WHAMM: variants seen among roughly 807,000 people sequenced by gnomAD.
The protein encoded by WHAMM is WASP homolog associated with actin, golgi membranes and microtubules, also known as WASP homolog-associated protein with actin, membranes and microtubules.
WHAMM carries 67 observed loss-of-function variants against 76.5 expected under a neutral mutation model. That is an observed-to-expected ratio of 0.88 (90% CI 0.72 to 1.07). WHAMM has a LOEUF of 1.07. WHAMM is among the 50% of genes least tolerant of loss of function. WHAMM has a pLI of 0.00. For synonymous variants in WHAMM, 419 were observed against 422.1 expected (o/e 0.99, Z 0.09); for missense variants, 1,021 against 1,051.1 (o/e 0.97, Z 0.40).
chr15:82,828,356 A>G (rs2050971609), intron 8 of WHAMM, among the ~76,000 whole-genome samples: 1 of 152,132 alleles, frequency 6.6e-6, no homozygotes, highest in African/African-American at 2.4e-5. Flanking sequence ...AGCTTCTTCT[A>G]AGTACTAAGG....
chr15:82,817,967 G>A lies in WHAMM; in HGVS notation c.982G>A (p.Ala328Thr), dbSNP rs1340259657. The A allele has an allele frequency of 1.9e-6, 3 of 1,548,578 alleles. No homozygotes were observed. Among genetic ancestry groups the A allele is most frequent in the Non-Finnish European group, 2.6e-6 (3 of 1,146,202 alleles). ...EQDAKRFGQA[A>T]WATAIPRLEK... ...GGATGCGAAGAGATTTGGTCAGGCT[G>A]CCTGGGCCACAGCAATTCCCAGGTT... The change falls in exon 4 of 10, where the codon GCC (alanine) becomes ACC (threonine). Residue 328 changes from alanine (A) to threonine (T), a missense_variant. Physicochemically the swap from Ala to Thr is moderately conservative, Grantham distance 58. This residue lies in a region of WHAMM where 501 missense variants were observed against 524.9 expected (regional missense o/e 0.95). Transcript: ENST00000286760.
At chr15:82,816,585 G>A in intron 2 of WHAMM, 107 bp from the exon 3 acceptor site, 1 of 1,034,224 alleles carries the variant, frequency 9.7e-7, no homozygotes, top group Non-Finnish European at 1.4e-6. Flanking sequence ...AATTGACTGA[G>A]TAGTAGTGTA....
At chr15:82,818,811 C>T (rs1435068865) in intron 4 of WHAMM, among the ~76,000 whole-genome samples, 1 of 152,200 alleles carries the variant, frequency 6.6e-6, no homozygotes, top group Non-Finnish European at 1.5e-5. Flanking sequence ...GATCAAGGTG[C>T]CTGCAGATTC....
rs1277231565 is a variant in WHAMM, at chr15:82,810,299, C to T, written c.573C>T (p.Arg191=). Residue 191 remains arginine, a synonymous_variant, in exon 1 of 10, where the codon CGC becomes CGT. Coordinates refer to ENST00000286760, the MANE Select transcript of WHAMM (RefSeq NM_001080435.3). ...GCGAGTTCCGGGAGCGGGCCTTGCGCGCGCGGTGGGTCGAGGCGGACGCGC... is the reference window on the plus strand; with the variant it reads ...GCGAGTTCCGGGAGCGGGCCTTGCGTGCGCGGTGGGTCGAGGCGGACGCGC... ...SPREFRERAL[R]ARWVEADARL... 23 of 1,341,994 alleles carry T rather than the reference C, an allele frequency of 1.7e-5. No individual in the cohort carries two copies. Among genetic ancestry groups the T allele is most frequent in the Non-Finnish European group, 2.0e-5 (21 of 1,052,794 alleles). The allele number at this position is 1,341,994 out of a possible 1,614,324, so 83.1% of individuals were successfully genotyped here. A position where few individuals can be genotyped will look rare whatever the true frequency, so the allele number is the denominator to read the frequency against.
At chr15:82,811,016 G>A (rs1279596153) in intron 1 of WHAMM, among the ~76,000 whole-genome samples, 2 of 152,164 alleles carry the variant, frequency 1.3e-5, no homozygotes, top group South Asian at 4.1e-4. Context: ...CACACCCACA[G>A]TTTATTAAGG....
intron 5 of WHAMM, among the ~76,000 whole-genome samples, chr15:82,822,353 A>G (rs1015494643): frequency 1.1e-4 from 17 of 152,244 alleles, no homozygotes; most frequent in African/African-American, 4.1e-4. Context: ...AGTGAAATGA[A>G]TAATAGTGGA....
intron 5 of WHAMM, among the ~76,000 whole-genome samples, chr15:82,820,113 T>A (rs1197580459): frequency 6.6e-6 from 1 of 152,172 alleles, no homozygotes; most frequent in Admixed American, 6.5e-5. Flanking sequence ...AAAATATAAA[T>A]TTTTAACCAA....
rs1276654390 is a variant in WHAMM, at chr15:82,834,590, T to C, written c.*1054T>C. Reference sequence around the variant, plus strand: ...CTTCTGTGCATATGGAATAATGATTTCTCAGATTTGTAGGCTTGAATGTGA... The same window carrying C: ...CTTCTGTGCATATGGAATAATGATTCCTCAGATTTGTAGGCTTGAATGTGA... On this transcript the variant is annotated 3_prime_UTR_variant, in exon 10 of 10. Coordinates refer to ENST00000286760, the MANE Select transcript of WHAMM (RefSeq NM_001080435.3). 1 of 152,680 alleles carries C rather than the reference T, an allele frequency of 6.5e-6. No individual in the cohort carries two copies. Among genetic ancestry groups the C allele is most frequent in the Non-Finnish European group, 1.5e-5 (1 of 68,044 alleles). 9.5% of individuals were successfully genotyped at this position (152,680 alleles called of 1,614,324 possible).
In WHAMM at chr15:82,816,784, C is replaced by T. The variant is rs1193276142; in HGVS notation, c.876C>T (p.Val292=). 9.6e-6 allele frequency: 15 copies of T among 1,562,948 alleles called. No individual in the cohort carries two copies. Among genetic ancestry groups the T allele is most frequent in the African/African-American group, 5.4e-5 (4 of 73,660 alleles). ...EEWTRRAEEA[V]VSIQDITVNY... ...GGACCAGACGGGCTGAAGAAGCTGT[C>T]GTCTCTATTCAGGATATCACAGTGA... Residue 292 remains valine, a synonymous_variant, in exon 3 of 10, where the codon GTC becomes GTT. Transcript: ENST00000286760.
At chr15:82,821,798 T>C (rs1195600133) in intron 5 of WHAMM, among the ~76,000 whole-genome samples, 1 of 152,214 alleles carries the variant, frequency 6.6e-6, no homozygotes, top group African/African-American at 2.4e-5. Flanking sequence ...TTGGGGAGAA[T>C]AGTGGTCTTT....
intron 3 of WHAMM, 68 bp downstream of exon 3, chr15:82,816,910 G>GAATAAA: frequency 6.8e-7 from 1 of 1,471,250 alleles, no homozygotes; most frequent in Non-Finnish European, 9.2e-7. Flanking sequence ...AATACCATTT[G>GAATAAA]AGTCCCTCTT....
At chr15:82,832,061 C>A (rs917494625) in intron 9 of WHAMM, among the ~76,000 whole-genome samples, 5 of 152,104 alleles carry the variant, frequency 3.3e-5, no homozygotes, top group Admixed American at 2.0e-4. Context: ...CAACAACTGC[C>A]CTGTGAATGA....
Position 82,815,721 on chromosome 15 carries a change from C to T in WHAMM, c.784-971C>T, listed in dbSNP as rs144329804. 2.0e-3 allele frequency among the ~76,000 whole-genome samples: 309 copies of T among 152,294 alleles called. 4 individuals carry two copies. The highest frequency in any genetic ancestry group is 7.1e-3 in the African/African-American group (293 of 41,550). On this transcript the variant is annotated intron_variant, in intron 2 of 9. Coordinates refer to ENST00000286760, the MANE Select transcript of WHAMM (RefSeq NM_001080435.3). ...TCCGGTTTGTCCACATTATCACCAG[C>T]ACTTGTTACTGTGTGTCTCTTTGGT...
intron 6 of WHAMM, among the ~76,000 whole-genome samples, chr15:82,825,794 A>G (rs189498093): frequency 1.3e-4 from 20 of 152,262 alleles, no homozygotes; most frequent in African/African-American, 4.8e-4. Flanking sequence ...GTCTCAAAAA[A>G]AAAAAAAAGA....
intron 8 of WHAMM, among the ~76,000 whole-genome samples, chr15:82,829,962 A>G (rs985144510): frequency 9.2e-5 from 14 of 152,264 alleles, no homozygotes; most frequent in East Asian, 3.9e-4. Context: ...AACTTTTTCA[A>G]TTTACATTTT....
At chr15:82,817,443 CAACTT>C (rs1225747854) in intron 3 of WHAMM, among the ~76,000 whole-genome samples, 1 of 152,110 alleles carries the variant, frequency 6.6e-6, no homozygotes, top group East Asian at 1.9e-4. Context: ...AAGTAGGAAA[CAACTT>C]AACGTCTGTC....
chr15:82,827,293 T>C (rs894223936), intron 8 of WHAMM, among the ~76,000 whole-genome samples: 2 of 152,190 alleles, frequency 1.3e-5, no homozygotes, highest in Non-Finnish European at 2.9e-5. Flanking sequence ...TTTTTTGATA[T>C]CTACAACTTT....
intron 5 of WHAMM, among the ~76,000 whole-genome samples, chr15:82,819,774 A>G (rs913327065): frequency 6.6e-6 from 1 of 152,248 alleles, no homozygotes; most frequent in Non-Finnish European, 1.5e-5. Context: ...CGGGCAGATC[A>G]CTTGAGATTA....
In WHAMM at chr15:82,810,051, C is replaced by T; in HGVS notation, c.325C>T (p.Pro109Ser). The T allele has an allele frequency of 8.2e-7, 1 of 1,217,566 alleles. No homozygotes were observed. Among genetic ancestry groups the T allele is most frequent in the Non-Finnish European group, 1.0e-6 (1 of 982,122 alleles). The allele number at this position is 1,217,566 out of a possible 1,614,324, so 75.4% of individuals were successfully genotyped here. ...TCTGGAGCGCTGCTTCCCGCGGCTG[C>T]CGCCGGAGCTGGACGTGGGCGGCGG... ...PPLERCFPRL[P>S]PELDVGGGGA... The change falls in exon 1 of 10, where the codon CCG becomes TCG. Residue 109 changes from proline to serine, a missense_variant. Around this residue, in one of 3 missense-constraint regions of WHAMM, gnomAD observed 501 missense variants for 524.9 expected, o/e 0.95. Coordinates refer to ENST00000286760, the MANE Select transcript of WHAMM (RefSeq NM_001080435.3).
Sources: gnomAD v4.1 joint callset for allele counts (sites outside exome capture counted in the v4.1 genomes callset) on GRCh38, gnomAD v4.1.1 for gene constraint, gnomAD v4.1.1 regional missense constraint, MANE v1.5 for transcripts, NCBI Gene and HGNC (gene_info 2026-07-23, HGNC 2026-07-21) for gene names.